RAP1GAP2: variants seen among roughly 807,000 people sequenced by gnomAD.
The protein encoded by RAP1GAP2 is rap1 GTPase-activating protein 2.
A neutral mutation model predicts 95.0 loss-of-function variants in RAP1GAP2; 27 were observed. The ratio of observed to expected loss-of-function variants is 0.28; its 90% CI spans 0.21 to 0.39. The LOEUF (loss-of-function observed/expected upper bound fraction) is 0.39, where lower values mean the gene tolerates loss of function less well. RAP1GAP2 is among the 10% of genes least tolerant of loss of function. RAP1GAP2 has a pLI of 1.00. For synonymous variants in RAP1GAP2, 373 were observed against 380.9 expected (o/e 0.98, Z 0.24); for missense variants, 771 against 970.0 (o/e 0.79, Z 2.72).
At chr17:2,948,078 G>A (rs757552870) in intron 3 of RAP1GAP2, among the ~76,000 whole-genome samples, 1 of 152,202 alleles carries the variant, frequency 6.6e-6, no homozygotes, top group Non-Finnish European at 1.5e-5. Context: ...CGAGGCGATT[G>A]CAAGGACTCA....
intron 2 of RAP1GAP2, among the ~76,000 whole-genome samples, chr17:2,898,925 T>TGGAGTATTGATTAGCA (rs371845204): frequency 0.018 from 2,544 of 144,146 alleles, 70 homozygotes; most frequent in African/African-American, 0.065. Flanking sequence ...GGAGTGGTGC[T>TGGAGTATTGATTAGCA]GGAGTATTGA....
At chr17:2,997,144 G>A (rs926934272) in intron 13 of RAP1GAP2, among the ~76,000 whole-genome samples, 7 of 147,404 alleles carry the variant, frequency 4.7e-5, no homozygotes, top group African/African-American at 1.3e-4. Flanking sequence ...CTTGGTGGCC[G>A]AGATCACACC....
At chr17:2,879,117 CTTT>C (rs67861792) in intron 2 of RAP1GAP2, among the ~76,000 whole-genome samples, 19 of 140,830 alleles carry the variant, frequency 1.3e-4, no homozygotes, top group Admixed American at 2.8e-4. Context: ...CCAAGCCCTT[CTTT>C]TTTTTTTTTT....
intron 2 of RAP1GAP2, chr17:2,853,834 G>A (rs2072000839): frequency 1.3e-6 from 1 of 763,358 alleles, no homozygotes; most frequent in Non-Finnish European, 1.6e-6. Context: ...AGGGGAGAGC[G>A]CGCGGTCACC....
chr17:2,970,066 G>C (rs1320040919), intron 8 of RAP1GAP2, among the ~76,000 whole-genome samples: 2 of 151,792 alleles, frequency 1.3e-5, no homozygotes, highest in Non-Finnish European at 2.9e-5. Flanking sequence ...CTGAGGTCAG[G>C]AGTTTAAGAC....
At chr17:3,032,129 C>T (rs369315726) in intron 23 of RAP1GAP2, among the ~76,000 whole-genome samples, 9 of 139,776 alleles carry the variant, frequency 6.4e-5, no homozygotes, top group Middle Eastern at 4.1e-3. Flanking sequence ...GGGCTGGTTC[C>T]TGGGTCCCGA....
intron 3 of RAP1GAP2, among the ~76,000 whole-genome samples, chr17:2,911,227 T>C (rs1326387705): frequency 4.1e-5 from 6 of 147,724 alleles, no homozygotes; most frequent in African/African-American, 1.5e-4. Flanking sequence ...ATACGCACCC[T>C]CCCCCACCTC....
At chr17:3,017,991 C>T in intron 17 of RAP1GAP2, 70 bp from the exon 18 acceptor site, 1 of 1,492,758 alleles carries the variant, frequency 6.7e-7, no homozygotes, top group South Asian at 1.3e-5. Context: ...GTCTACAGAC[C>T]CCACGAGGAG....
intron 4 of RAP1GAP2, among the ~76,000 whole-genome samples, chr17:2,958,227 G>C (rs946208309): frequency 1.3e-5 from 2 of 152,186 alleles, no homozygotes; most frequent in African/African-American, 4.8e-5. Flanking sequence ...ACTAGCACCA[G>C]TTCCTTTCCT....
At chr17:2,766,595 G>C (rs2068280711) in intron 1 of RAP1GAP2, among the ~76,000 whole-genome samples, 1 of 151,750 alleles carries the variant, frequency 6.6e-6, no homozygotes, top group African/African-American at 2.4e-5. Flanking sequence ...AGGTGACAGA[G>C]AAAGACTCCG....
At chr17:2,981,663 C>G (rs2045362034) in intron 10 of RAP1GAP2, among the ~76,000 whole-genome samples, 1 of 152,156 alleles carries the variant, frequency 6.6e-6, no homozygotes, top group Non-Finnish European at 1.5e-5. Flanking sequence ...CAGACAGCCG[C>G]CCCGCCATTG....
intron 1 of RAP1GAP2, among the ~76,000 whole-genome samples, chr17:2,762,201 A>G (rs1315347468): frequency 1.3e-5 from 2 of 150,958 alleles, no homozygotes; most frequent in African/African-American, 4.9e-5. Flanking sequence ...GTTAGCCAGG[A>G]TGATCTCGAT....
chr17:2,864,559 G>T (rs1360295479), intron 2 of RAP1GAP2, among the ~76,000 whole-genome samples: 2 of 152,176 alleles, frequency 1.3e-5, no homozygotes, highest in Non-Finnish European at 2.9e-5. Context: ...CCACACCTTT[G>T]CTACCTGCCC....
At position 2,800,829 on chromosome 17, in the gene RAP1GAP2, TTTTCTTTTTCTTTCTTTCTTTC is replaced by T. The variant is rs1254846629; in HGVS notation, c.80+289_80+310del. Among the ~76,000 whole-genome samples, 6 of 143,664 alleles carry T rather than the reference TTTTCTTTTTCTTTCTTTCTTTC, an allele frequency of 4.2e-5. No individual in the cohort carries two copies. The East Asian group carries it at 1.2e-3, about 30-fold the overall frequency. 94.2% of individuals were successfully genotyped at this position (143,664 alleles called of 152,430 possible). A position where few individuals can be genotyped will look rare whatever the true frequency, so the allele number is the denominator to read the frequency against. On this transcript the variant is annotated intron_variant, in intron 2 of 24. Coordinates refer to ENST00000254695, the MANE Select transcript of RAP1GAP2 (RefSeq NM_015085.5). ...TCAGTCCCATTATTCTTTTTTTTCT[TTTTCTTTTTCTTTCTTTCTTTC>T]TTTCTTTTTTTTTTTTTGAGACGGA...
rs544624102 is a variant in RAP1GAP2 at position 2,799,847 on chromosome 17, C to T, written c.45-668C>T. On this transcript the variant is annotated intron_variant, in intron 1 of 24. Coordinates refer to ENST00000254695, the MANE Select transcript of RAP1GAP2 (RefSeq NM_015085.5). Reference sequence around the variant, plus strand: ...CAGGGGGGTAAAAATAGAACCTCAGCGGCGCTGTCTCCCCTTCCAGTGAGG... The same window carrying T: ...CAGGGGGGTAAAAATAGAACCTCAGTGGCGCTGTCTCCCCTTCCAGTGAGG... Among the ~76,000 whole-genome samples, 214 of 152,276 alleles carry T rather than the reference C, an allele frequency of 1.4e-3. 1 individual carries two copies. Among genetic ancestry groups the T allele is most frequent in the African/African-American group, 4.6e-3 (192 of 41,558 alleles).
At chr17:2,922,830 T>G (rs1418370570) in intron 3 of RAP1GAP2, among the ~76,000 whole-genome samples, 1 of 124,542 alleles carries the variant, frequency 8.0e-6, no homozygotes, top group African/African-American at 3.5e-5. Context: ...CTTTTTGTTT[T>G]TGTTTTTTTT....
At chr17:3,011,549 A>C (rs1229065733) in intron 17 of RAP1GAP2, among the ~76,000 whole-genome samples, 1 of 151,876 alleles carries the variant, frequency 6.6e-6, no homozygotes, top group Non-Finnish European at 1.5e-5. Context: ...CTCTTGAAAC[A>C]AGTGATACCT....
intron 2 of RAP1GAP2, among the ~76,000 whole-genome samples, chr17:2,858,635 C>T (rs1247299714): frequency 3.3e-5 from 5 of 152,012 alleles, no homozygotes; most frequent in Non-Finnish European, 5.9e-5. Context: ...TGGCCAGGCA[C>T]GGTGGCTCAC....
rs1292820573 is a variant in RAP1GAP2 at position 2,995,328 on chromosome 17, T to C, written c.915-9T>C. 30 of 1,612,882 alleles carry C rather than the reference T, an allele frequency of 1.9e-5. No individual in the cohort carries two copies. Among genetic ancestry groups the C allele is most frequent in the Non-Finnish European group, 2.5e-5 (29 of 1,179,070 alleles). On this transcript the variant is annotated splice_polypyrimidine_tract_variant and intron_variant, in intron 12 of 24. Transcript: ENST00000254695. ...TTTCTCCCCATCTCCTGCCCTGTTT[T>C]GTTGACAGTTTCCGAGGAGGCCTGG...
Sources: gnomAD v4.1 joint callset for allele counts (sites outside exome capture counted in the v4.1 genomes callset) on GRCh38, gnomAD v4.1.1 for gene constraint, MANE v1.5 for transcripts, NCBI Gene and HGNC (gene_info 2026-07-23, HGNC 2026-07-21) for gene names.